GREB1L: variants seen among roughly 807,000 people sequenced by gnomAD.
The protein encoded by GREB1L is GREB1-like protein.
In GREB1L, 17 loss-of-function variants were observed where a neutral mutation model predicts 200.8. The observed-to-expected ratio is 0.08, with a 90% CI of 0.06 to 0.13. The LOEUF (loss-of-function observed/expected upper bound fraction) is 0.13, where lower values mean the gene tolerates loss of function less well. GREB1L is among the 10% of genes least tolerant of loss of function. The probability of loss-of-function intolerance (pLI) is 1.00; values close to 1 mark genes in which losing one functional copy is unlikely to be tolerated. For synonymous variants in GREB1L, 789 were observed against 893.0 expected (o/e 0.88, Z 2.08); for missense variants, 1,657 against 2,367.7 (o/e 0.70, Z 6.23).
At chr18:21,494,795 A>C (rs547201897) in intron 19 of GREB1L, among the ~76,000 whole-genome samples, 68 of 152,344 alleles carry the variant, frequency 4.5e-4, no homozygotes, top group Middle Eastern at 3.4e-3. Flanking sequence ...TATCTACTTA[A>C]GAGATGGTTA....
intron 7 of GREB1L, 105 bp from the exon 8 acceptor site, chr18:21,439,416 T>C: frequency 1.5e-6 from 1 of 665,548 alleles, no homozygotes. Context: ...CCGTGAGGTT[T>C]CTTGGAATCC....
intron 7 of GREB1L, among the ~76,000 whole-genome samples, chr18:21,414,761 A>G (rs2144757157): frequency 6.6e-6 from 1 of 152,350 alleles, no homozygotes; most frequent in South Asian, 2.1e-4. Flanking sequence ...CACCACGGTT[A>G]TAGAATCAGT....
At chr18:21,424,220 T>G (rs1225792337) in intron 7 of GREB1L, among the ~76,000 whole-genome samples, 1 of 152,192 alleles carries the variant, frequency 6.6e-6, no homozygotes, top group Non-Finnish European at 1.5e-5. Flanking sequence ...TATTGTGATA[T>G]TAGTCACAGA....
At chr18:21,396,423 A>C (rs1292383276) in intron 5 of GREB1L, among the ~76,000 whole-genome samples, 3 of 152,190 alleles carry the variant, frequency 2.0e-5, no homozygotes, top group African/African-American at 4.8e-5. Context: ...AAAGCATGCA[A>C]TTTATCAAAA....
chr18:21,363,287 GC>G (rs1224570798), intron 1 of GREB1L, among the ~76,000 whole-genome samples: 3,136 of 8,344 alleles, frequency 0.38, 614 homozygotes, highest in Middle Eastern at 0.75. Context: ...CCTCCCCCCC[GC>G]CCCCCCCCCC....
chr18:21,465,804 A>C (rs2035241346), intron 15 of GREB1L, among the ~76,000 whole-genome samples: 1 of 152,142 alleles, frequency 6.6e-6, no homozygotes, highest in South Asian at 2.1e-4. Flanking sequence ...TTTATAAAGG[A>C]TATTTTAAAA....
intron 17 of GREB1L, among the ~76,000 whole-genome samples, chr18:21,485,009 AC>A (rs1362182487): frequency 1.3e-5 from 2 of 152,180 alleles, no homozygotes; most frequent in Non-Finnish European, 2.9e-5. Flanking sequence ...AACTTGTCAC[AC>A]TTCTCAAGAT....
At chr18:21,509,521 T>C (rs2037151871) in intron 27 of GREB1L, among the ~76,000 whole-genome samples, 1 of 152,202 alleles carries the variant, frequency 6.6e-6, no homozygotes, top group Admixed American at 6.5e-5. Context: ...GTCTCTCCCA[T>C]TTCTTGTTCC....
chr18:21,252,232 T>C (rs936596869), intron 1 of GREB1L, among the ~76,000 whole-genome samples: 1 of 152,188 alleles, frequency 6.6e-6, no homozygotes, highest in Non-Finnish European at 1.5e-5. Flanking sequence ...TTATTTGTTC[T>C]TTGAAAAATC....
At chr18:21,458,455 G>A (rs1273729062) in intron 15 of GREB1L, among the ~76,000 whole-genome samples, 1 of 152,214 alleles carries the variant, frequency 6.6e-6, no homozygotes, top group Non-Finnish European at 1.5e-5. Context: ...ACTAAAGAAA[G>A]CATTCCAGCA....
chr18:21,521,539 C>CTTAT (rs552940717), intron 32 of GREB1L, among the ~76,000 whole-genome samples: 429 of 152,136 alleles, frequency 2.8e-3, no homozygotes, highest in African/African-American at 7.1e-3. Flanking sequence ...CATTCATTCA[C>CTTAT]TTATTTATTT....
chr18:21,524,858 A>G lies in GREB1L; in HGVS notation c.*2037A>G, dbSNP rs978164539. The G allele has an allele frequency of 2.0e-5, 3 of 152,106 alleles. No homozygotes were observed. The highest frequency in any genetic ancestry group is 2.9e-5 in the Non-Finnish European group (2 of 68,008). The allele number at this position is 152,106 out of a possible 1,614,324, so 9.4% of individuals were successfully genotyped here. ...ATAAAGCCAAAAGACCATCACCCCT[A>G]TAATGGAGAAATTGATCTGCCTATT... On this transcript the variant is annotated 3_prime_UTR_variant, in exon 33 of 33. Coordinates refer to ENST00000424526, the MANE Select transcript of GREB1L (RefSeq NM_001142966.3).
intron 15 of GREB1L, among the ~76,000 whole-genome samples, chr18:21,457,503 A>G (rs2034822784): frequency 6.6e-6 from 1 of 152,194 alleles, no homozygotes; most frequent in South Asian, 2.1e-4. Flanking sequence ...CTACCATTCA[A>G]GGGTAACCAC....
intron 7 of GREB1L, among the ~76,000 whole-genome samples, chr18:21,428,670 G>A (rs1170116816): frequency 1.4e-5 from 2 of 140,674 alleles, no homozygotes; most frequent in African/African-American, 2.7e-5. Flanking sequence ...CGCTGTTGTC[G>A]GCCCGGGCTG....
chr18:21,383,619 G>A lies in GREB1L; in HGVS notation c.101G>A (p.Arg34Gln), dbSNP rs1166340610. The part of the protein sequence containing the change: ...ASLRCSSVVP[R>Q]PIFSQLYLDP... ...CTCAGATGTAGTAGTGTGGTACCACGGCCAATTTTTTCCCAGCTATACCTG... is the reference window on the plus strand; with the variant it reads ...CTCAGATGTAGTAGTGTGGTACCACAGCCAATTTTTTCCCAGCTATACCTG... The change falls in exon 3 of 33, where the codon CGG (arginine) becomes CAG (glutamine). Residue 34 changes from arginine (R) to glutamine (Q), a missense_variant. By Grantham distance (43) the Arg-to-Gln change is conservative. Transcript: ENST00000424526. 1.4e-5 allele frequency: 22 copies of A among 1,551,060 alleles called. No homozygotes were observed. Among genetic ancestry groups the A allele is most frequent in the Admixed American group, 2.0e-5 (1 of 50,868 alleles).
At chr18:21,268,550 C>CAT (rs2038017179) in intron 1 of GREB1L, among the ~76,000 whole-genome samples, 1 of 99,188 alleles carries the variant, frequency 1.0e-5, no homozygotes, top group Non-Finnish European at 1.9e-5. Context: ...CACACACACA[C>CAT]ACACACACAC....
At chr18:21,305,533 C>T (rs1418664660) in intron 1 of GREB1L, among the ~76,000 whole-genome samples, 14 of 152,252 alleles carry the variant, frequency 9.2e-5, no homozygotes, top group South Asian at 6.2e-4. Flanking sequence ...CCAGCCTGTA[C>T]GCTTCTTCCC....
intron 7 of GREB1L, among the ~76,000 whole-genome samples, chr18:21,421,864 G>A (rs1489331050): frequency 6.6e-6 from 1 of 152,162 alleles, no homozygotes; most frequent in African/African-American, 2.4e-5. Context: ...TGGGCTAACA[G>A]AAAGTAATTG....
chr18:21,444,432 T>C (rs1290365998), intron 11 of GREB1L, 23 bp downstream of exon 11: 30 of 1,532,220 alleles, frequency 2.0e-5, no homozygotes, highest in Non-Finnish European at 2.6e-5. Flanking sequence ...CCATAATCAT[T>C]TGCTGGTGAC....
Sources: allele counts gnomAD v4.1 joint callset (sites outside exome capture counted in the v4.1 genomes callset), GRCh38; gene constraint gnomAD v4.1.1; transcripts MANE v1.5; gene names NCBI Gene and HGNC (gene_info 2026-07-23, HGNC 2026-07-21).